Variants in ATL1 observed in about 807,000 individuals in gnomAD.
ATL1 encodes the protein atlastin GTPase 1.
ATL1 carries 31 observed loss-of-function variants against 75.5 expected under a neutral mutation model. That is an observed-to-expected ratio of 0.41 (90% CI 0.31 to 0.55). The LOEUF (loss-of-function observed/expected upper bound fraction) is 0.55, where lower values mean the gene tolerates loss of function less well. ATL1 is among the 20% of genes least tolerant of loss of function. The pLI is 0.27. For missense variants in ATL1, 405 were observed against 662.6 expected (o/e 0.61, Z 4.27); for synonymous variants, 226 against 233.3 (o/e 0.97, Z 0.28).
intron 6 of ATL1, among the ~76,000 whole-genome samples, chr14:50,604,661 C>T (rs543607751): frequency 3.9e-5 from 6 of 152,094 alleles, no homozygotes; most frequent in Middle Eastern, 3.4e-3. Flanking sequence ...CATAAGTTGA[C>T]GTGAGAGTGT....
chr14:50,618,142 G>A (rs34061700), intron 8 of ATL1, among the ~76,000 whole-genome samples: 75,474 of 152,004 alleles, frequency 0.5, 19,750 homozygotes, highest in East Asian at 0.74. Context: ...TGATTTTAAA[G>A]TGGTTTTATA....
At chr14:50,542,031 AAAAAAAAAAAAAAAAAAG>A (rs2140146751) in intron 1 of ATL1, among the ~76,000 whole-genome samples, 1 of 93,596 alleles carries the variant, frequency 1.1e-5, no homozygotes, top group East Asian at 2.9e-4. Context: ...AAAAAAAAAA[AAAAAAAAAAAAAAAAAAG>A]AATATGCTGT....
intron 1 of ATL1, among the ~76,000 whole-genome samples, chr14:50,542,980 C>T (rs909012273): frequency 7.2e-5 from 11 of 152,164 alleles, no homozygotes; most frequent in African/African-American, 2.4e-4. Context: ...ATAAGGAAGT[C>T]AGTGGGAGAA....
intron 1 of ATL1, among the ~76,000 whole-genome samples, chr14:50,586,061 G>A (rs1167263413): frequency 6.6e-6 from 1 of 152,068 alleles, no homozygotes; most frequent in Non-Finnish European, 1.5e-5. Context: ...ATATCAATGT[G>A]ATCTGAAGAC....
intron 1 of ATL1, among the ~76,000 whole-genome samples, chr14:50,572,326 T>G (rs939072862): frequency 2.6e-5 from 4 of 152,188 alleles, no homozygotes; most frequent in Admixed American, 2.0e-4. Flanking sequence ...AGAAAACTAG[T>G]CTATTAAACC....
At chr14:50,547,032 G>GTTGTTCAACTCATAA (rs2038642230) in intron 1 of ATL1, among the ~76,000 whole-genome samples, 1 of 152,000 alleles carries the variant, frequency 6.6e-6, no homozygotes, top group East Asian at 1.9e-4. Flanking sequence ...ACTCATAAGT[G>GTTGTTCAACTCATAA]GGAGTTGAAC....
intron 1 of ATL1, among the ~76,000 whole-genome samples, chr14:50,562,907 C>T (rs2038865109): frequency 6.6e-6 from 1 of 152,094 alleles, no homozygotes; most frequent in Non-Finnish European, 1.5e-5. Context: ...TAATAGAATG[C>T]CTAACACAGT....
chr14:50,560,603 G>A (rs1052295875), intron 1 of ATL1: 3 of 435,280 alleles, frequency 6.9e-6, no homozygotes, highest in South Asian at 2.3e-5. Context: ...GGCGCCTCCG[G>A]GGACTTGTGG....
In ATL1 at chr14:50,560,156, G is replaced by A. The variant is rs1172034596; in HGVS notation, c.-110G>A. On this transcript the variant is annotated 5_prime_UTR_variant, in exon 1 of 14. Transcript: ENST00000358385. Reference sequence around the variant, plus strand: ...ACAGCAACATCCTCAGAGTCTGAGCGAACTGCGCCCAGCGCGGGCACGGAG... The same window carrying A: ...ACAGCAACATCCTCAGAGTCTGAGCAAACTGCGCCCAGCGCGGGCACGGAG... 1 of 1,334,386 alleles carries A rather than the reference G, an allele frequency of 7.5e-7. No individual in the cohort carries two copies. The highest frequency in any genetic ancestry group is 1.1e-6 in the Non-Finnish European group (1 of 944,752). 82.7% of individuals were successfully genotyped at this position (1,334,386 alleles called of 1,614,324 possible). A position where few individuals can be genotyped will look rare whatever the true frequency, so the allele number is the denominator to read the frequency against.
intron 1 of ATL1, among the ~76,000 whole-genome samples, chr14:50,545,568 T>C (rs2038620999): frequency 1.3e-5 from 2 of 152,138 alleles, no homozygotes; most frequent in Admixed American, 1.3e-4. Flanking sequence ...GGACCTAAGA[T>C]GTTAAAGTAC....
At chr14:50,540,507 T>C (rs1366773142) in intron 1 of ATL1, among the ~76,000 whole-genome samples, 1 of 152,208 alleles carries the variant, frequency 6.6e-6, no homozygotes, top group African/African-American at 2.4e-5. Flanking sequence ...CCCAAGGCCA[T>C]TTCCAGAGGT....
intron 6 of ATL1, among the ~76,000 whole-genome samples, chr14:50,597,145 G>T (rs557886318): frequency 6.9e-6 from 1 of 144,842 alleles, no homozygotes; most frequent in East Asian, 2.0e-4. Flanking sequence ...GGGAGTGGAG[G>T]TTGCAGTGAG....
intron 1 of ATL1, among the ~76,000 whole-genome samples, chr14:50,542,792 A>G (rs73289869): frequency 0.044 from 6,771 of 152,308 alleles, 484 homozygotes; most frequent in African/African-American, 0.15. Flanking sequence ...TGCCCACACC[A>G]TAATGGGGTG....
At chr14:50,558,452 A>G (rs951943405), upstream of ATL1, among the ~76,000 whole-genome samples, 8 of 152,230 alleles carry the variant, frequency 5.3e-5, no homozygotes, top group African/African-American at 1.9e-4. Flanking sequence ...TGGATGCTAA[A>G]ATCAGTGGAT....
In ATL1 at chr14:50,581,020, A is replaced by G. The variant is rs570741144; in HGVS notation, c.35-6811A>G. On this transcript the variant is annotated intron_variant, in intron 1 of 13. Coordinates refer to ENST00000358385, the MANE Select transcript of ATL1 (RefSeq NM_015915.5). ...CCCCATATTATTTTAAAAAATCTGT[A>G]GGATCTATAGTATCTTTTTTTATAT... Among the ~76,000 whole-genome samples the G allele has an allele frequency of 1.2e-3, 187 of 152,054 alleles. 1 individual carries two copies. The Middle Eastern group carries it at 0.017, about 14-fold the overall frequency.
At chr14:50,590,816 CA>C in intron 2 of ATL1, 124 bp from the exon 3 acceptor site, 2 of 940,628 alleles carry the variant, frequency 2.1e-6, no homozygotes, top group Non-Finnish European at 3.3e-6. Flanking sequence ...GGTATCAATG[CA>C]ATAGATGTGC....
intron 6 of ATL1, among the ~76,000 whole-genome samples, chr14:50,603,668 T>A (rs1271639695): frequency 1.3e-5 from 2 of 152,186 alleles, no homozygotes; most frequent in Non-Finnish European, 2.9e-5. Flanking sequence ...TCTTTGATAG[T>A]GATTTAAGCT....
Position 50,599,246 on chromosome 14 carries a change from G to C in ATL1, c.630+3614G>C, listed in dbSNP as rs115507865. ...GTAACCAAAACCTGGTTCCCAATCA[G>C]AAAACAGGCAAAGAATATTAATAGA... is the stretch of plus-strand genomic sequence containing the variant. On this transcript the variant is annotated intron_variant, in intron 6 of 13. Coordinates refer to ENST00000358385, the MANE Select transcript of ATL1 (RefSeq NM_015915.5). Among the ~76,000 whole-genome samples, 1,217 of 152,234 alleles carry C rather than the reference G, an allele frequency of 8.0e-3. 9 individuals are homozygous for C. The highest frequency in any genetic ancestry group is 0.027 in the African/African-American group (1,137 of 41,530).
intron 1 of ATL1, among the ~76,000 whole-genome samples, chr14:50,586,030 A>C (rs867038162): frequency 1.0e-3 from 154 of 152,324 alleles, no homozygotes; most frequent in African/African-American, 3.6e-3. Context: ...ACAGCAATAA[A>C]GTTATCAATG....
Sources: allele counts gnomAD v4.1 joint callset (sites outside exome capture counted in the v4.1 genomes callset), GRCh38; gene constraint gnomAD v4.1.1; transcripts MANE v1.5; gene names NCBI Gene and HGNC (gene_info 2026-07-23, HGNC 2026-07-21).